LMOD1: variants seen among roughly 807,000 people sequenced by gnomAD.
LMOD1 encodes leiomodin 1.
A neutral mutation model predicts 36.5 loss-of-function variants in LMOD1; 8 were observed. The ratio of observed to expected loss-of-function variants is 0.22; its 90% confidence interval spans 0.13 to 0.40. LMOD1 has a LOEUF of 0.40. LMOD1 is among the 10% of genes least tolerant of loss of function. LMOD1 has a pLI of 1.00. For missense variants in LMOD1, 630 were observed against 751.1 expected (o/e 0.84, Z 1.88); for synonymous variants, 284 against 288.7 (o/e 0.98, Z 0.17).
At chr1:201,926,128 C>T (rs758897374) in intron 1 of LMOD1, among the ~76,000 whole-genome samples, 5 of 152,092 alleles carry the variant, frequency 3.3e-5, no homozygotes, top group South Asian at 2.1e-4. Context: ...GGAGTCAAAG[C>T]GAGAGGGAGG....
intron 1 of LMOD1, among the ~76,000 whole-genome samples, chr1:201,923,971 GAAAGAAAAGAAAGAA>G (rs1257775410): frequency 1.6e-4 from 24 of 148,342 alleles, no homozygotes; most frequent in Admixed American, 7.4e-4. Flanking sequence ...AAAGAAAAAG[GAAAGAAAAGAAAGAA>G]AAAGAAAAGA....
intron 1 of LMOD1, among the ~76,000 whole-genome samples, chr1:201,924,675 A>AAG: frequency 4.6e-5 from 1 of 21,542 alleles, no homozygotes; most frequent in Non-Finnish European, 1.6e-4. Flanking sequence ...AAAAGAAAGA[A>AAG]AGAAAGAAAG....
chr1:201,913,676 A>G (rs1681551900), intron 1 of LMOD1, among the ~76,000 whole-genome samples: 1 of 152,132 alleles, frequency 6.6e-6, no homozygotes, highest in Admixed American at 6.6e-5. Flanking sequence ...ATTCTCATCT[A>G]GATCATTGCT....
At chr1:201,924,166 A>G in intron 1 of LMOD1, among the ~76,000 whole-genome samples, 1 of 150,972 alleles carries the variant, frequency 6.6e-6, no homozygotes. Flanking sequence ...ATACCAAAAA[A>G]AAAAAAAATT....
Position 201,901,637 on chromosome 1 carries a change from TATATATATATAC to T in LMOD1, c.262-898_262-887del, listed in dbSNP as rs1233941523. Among the ~76,000 whole-genome samples, 38 of 79,226 alleles carry T rather than the reference TATATATATATAC, an allele frequency of 4.8e-4. 2 individuals are homozygous for T. The highest frequency in any genetic ancestry group is 7.8e-4 in the Non-Finnish European group (33 of 42,498). 52.0% of individuals were successfully genotyped at this position (79,226 alleles called of 152,430 possible). On this transcript the variant is annotated intron_variant, in intron 1 of 2. Coordinates refer to ENST00000367288, the MANE Select transcript of LMOD1 (RefSeq NM_012134.3). ...ACATATATATGTGTGTGTGTATATA[TATATATATATAC>T]ATATATATGTGTATATATATATATA...
At position 201,899,407 on chromosome 1, in the gene LMOD1, G is replaced by A; in HGVS notation, c.1606C>T (p.Pro536Ser). The A allele has an allele frequency of 6.2e-7, 1 of 1,611,820 alleles. No homozygotes were observed. Among genetic ancestry groups the A allele is most frequent in the South Asian group, 1.1e-5 (1 of 90,946 alleles). ...GGTGGAGCCAAGGGAGGGGGAGGGG[G>A]TGGTGGGGCAGCTGGAGCACCCCCT... ...KKGGAPAAPP[P>S]PPPPLAPPLI... The change falls in exon 2 of 3, where the codon CCC (proline) becomes TCC (serine). Residue 536 changes from proline (P) to serine (S), a missense_variant. Around this residue, in one of 3 missense-constraint regions of LMOD1, gnomAD observed 144 missense variants for 169.8 expected, o/e 0.85. Transcript: ENST00000367288. The surrounding 1 kb of genome is among the most constrained non-coding windows in gnomAD (Gnocchi z 6.3).
chr1:201,923,797 C>T (rs1056721661), intron 1 of LMOD1, among the ~76,000 whole-genome samples: 9 of 151,308 alleles, frequency 5.9e-5, no homozygotes, highest in Non-Finnish European at 7.4e-5. Flanking sequence ...GCCTAGAAGT[C>T]GAGGTCGCCT....
chr1:201,901,171 G>T (rs1681292941), intron 1 of LMOD1, among the ~76,000 whole-genome samples: 1 of 152,064 alleles, frequency 6.6e-6, no homozygotes, highest in African/African-American at 2.4e-5. Context: ...TTTTGCATTG[G>T]TGTTTATTGT....
chr1:201,898,215 C>A lies in LMOD1; in HGVS notation c.*157G>T. On this transcript the variant is annotated 3_prime_UTR_variant, in exon 3 of 3. Transcript: ENST00000367288. The stretch of plus-strand genomic sequence containing the variant: ...AGGAAAGTGAGAAGAGATAAGGCAT[C>A]CTTCCTTGAGCGTGACCCAGGCCTG... 1 of 733,136 alleles carries A rather than the reference C, an allele frequency of 1.4e-6. No homozygotes were observed. The highest frequency in any genetic ancestry group is 2.4e-6 in the Non-Finnish European group (1 of 424,236). The allele number at this position is 733,136 out of a possible 1,614,324, so 45.4% of individuals were successfully genotyped here.
At chr1:201,933,330 C>T (rs952467812) in intron 1 of LMOD1, among the ~76,000 whole-genome samples, 17 of 151,074 alleles carry the variant, frequency 1.1e-4, no homozygotes, top group Admixed American at 9.3e-4. Context: ...AGGAGAATCG[C>T]GTGAACCCGG....
At chr1:201,913,153 A>G (rs1302677586) in intron 1 of LMOD1, among the ~76,000 whole-genome samples, 1 of 152,192 alleles carries the variant, frequency 6.6e-6, no homozygotes, top group African/African-American at 2.4e-5. Context: ...TTTATTGTCC[A>G]TCTTCACCCT....
chr1:201,925,007 G>A (rs1681803854), intron 1 of LMOD1, among the ~76,000 whole-genome samples: 1 of 152,216 alleles, frequency 6.6e-6, no homozygotes, highest in South Asian at 2.1e-4. Context: ...TTGAGGTCAG[G>A]AGTTCAAGGC....
intron 1 of LMOD1, among the ~76,000 whole-genome samples, chr1:201,924,296 C>T (rs2102922035): frequency 7.1e-6 from 1 of 141,012 alleles, no homozygotes; most frequent in Admixed American, 7.2e-5. Context: ...TGCACTCCAG[C>T]CTGGGTGACA....
At chr1:201,913,737 C>T (rs1681552882) in intron 1 of LMOD1, among the ~76,000 whole-genome samples, 1 of 152,198 alleles carries the variant, frequency 6.6e-6, no homozygotes, top group African/African-American at 2.4e-5. Context: ...GGCTTAAGCC[C>T]TGCCAAATGG....
intron 1 of LMOD1, 78 bp downstream of exon 1, chr1:201,946,002 G>C: frequency 2.1e-6 from 3 of 1,418,062 alleles, no homozygotes; most frequent in South Asian, 1.3e-5. Context: ...TCTAAGGAAG[G>C]AAGCATCCTA....
intron 1 of LMOD1, among the ~76,000 whole-genome samples, chr1:201,945,117 A>G (rs920301693): frequency 2.0e-5 from 3 of 152,224 alleles, no homozygotes; most frequent in Admixed American, 2.0e-4. Flanking sequence ...TTCCTATGCA[A>G]CACTCTTTCC....
Position 201,899,183 on chromosome 1 carries a change from T to C in LMOD1, c.1776+54A>G. The C allele has an allele frequency of 6.8e-7, 1 of 1,479,560 alleles. No homozygotes were observed. The highest frequency in any genetic ancestry group is 2.3e-5 in the East Asian group (1 of 42,916). The allele number at this position is 1,479,560 out of a possible 1,614,324, so 91.7% of individuals were successfully genotyped here. ...CCTTCCCTTTTGCAGTCCTACCCTCTCCTCCAGGCCCTACCCAGCCCCGCC... is the reference window on the plus strand; with the variant it reads ...CCTTCCCTTTTGCAGTCCTACCCTCCCCTCCAGGCCCTACCCAGCCCCGCC... On this transcript the variant is annotated intron_variant, in intron 2 of 2. Transcript: ENST00000367288. The surrounding 1 kb of genome is among the most constrained non-coding windows in gnomAD (Gnocchi z 6.3).
At chr1:201,942,771 C>T (rs1682142325) in intron 1 of LMOD1, among the ~76,000 whole-genome samples, 1 of 151,838 alleles carries the variant, frequency 6.6e-6, no homozygotes, top group African/African-American at 2.4e-5. Context: ...CATCACCCAG[C>T]TTCAACAATT....
intron 1 of LMOD1, among the ~76,000 whole-genome samples, chr1:201,909,998 C>T (rs1681467944): frequency 6.6e-6 from 1 of 152,230 alleles, no homozygotes; most frequent in South Asian, 2.1e-4. Context: ...AGCCACCCAA[C>T]ACTGAAATAA....
Sources: gnomAD v4.1 joint callset for allele counts (sites outside exome capture counted in the v4.1 genomes callset) on GRCh38, gnomAD v4.1.1 for gene constraint, gnomAD v4.1.1 regional missense constraint, Gnocchi (gnomAD v3.1) non-coding constraint, MANE v1.5 for transcripts, NCBI Gene and HGNC (gene_info 2026-07-23, HGNC 2026-07-21) for gene names.